The following RPSA2 variants were observed in gnomAD, a reference collection of about 807,000 sequenced individuals.
RPSA2 encodes the protein ribosomal protein SA 2.
chr19:23,833,158 A>G, the RPSA2 span: 1 of 1,197,798 alleles, frequency 8.3e-7, no homozygotes, highest in South Asian at 1.7e-5. Flanking sequence ...AGAATGTGCC[A>G]ATGCCTTTTC....
chr19:23,771,840 C>A, the RPSA2 span, among the ~76,000 whole-genome samples: 13 of 152,030 alleles, frequency 8.6e-5, no homozygotes, highest in Admixed American at 1.3e-4. Context: ...GGTTCTAATA[C>A]CTTGGTGATG....
At chr19:23,848,711 G>C in the RPSA2 span, among the ~76,000 whole-genome samples, 5 of 152,176 alleles carry the variant, frequency 3.3e-5, no homozygotes, top group Non-Finnish European at 5.9e-5. Flanking sequence ...TGATGATCGA[G>C]ACTCATTAGC....
At chr19:23,857,958 C>T in the RPSA2 span, among the ~76,000 whole-genome samples, 13 of 151,896 alleles carry the variant, frequency 8.6e-5, no homozygotes, top group Non-Finnish European at 1.9e-4. Flanking sequence ...ACAATTGCTT[C>T]ATTTTATTTT....
chr19:23,774,271 G>A, the RPSA2 span, among the ~76,000 whole-genome samples: 148,945 of 152,274 alleles, frequency 0.98, 72,938 homozygotes, highest in Middle Eastern at 1. Context: ...TGCTGGGTCC[G>A]ACTCTCTGGT....
the RPSA2 span, among the ~76,000 whole-genome samples, chr19:23,861,526 T>C: frequency 1.3e-5 from 2 of 152,154 alleles, no homozygotes; most frequent in African/African-American, 4.8e-5. Context: ...TGTTAAAAAT[T>C]TCATCCTTGG....
At chr19:23,824,258 G>T in the RPSA2 span, among the ~76,000 whole-genome samples, 2 of 152,214 alleles carry the variant, frequency 1.3e-5, no homozygotes, top group Non-Finnish European at 2.9e-5. Flanking sequence ...CCTTGCAGCT[G>T]CATTGGGAGG....
At chr19:23,805,793 CTAA>C in the RPSA2 span, among the ~76,000 whole-genome samples, 1 of 152,204 alleles carries the variant, frequency 6.6e-6, no homozygotes, top group East Asian at 1.9e-4. Context: ...TTTTTTCTCC[CTAA>C]TGAGTTTTTC....
At chr19:23,796,488 A>G in the RPSA2 span, among the ~76,000 whole-genome samples, 1 of 151,598 alleles carries the variant, frequency 6.6e-6, no homozygotes, top group Non-Finnish European at 1.5e-5. Context: ...AATAAGTTGG[A>G]GAAAAGTTAC....
chr19:23,863,979 CT>C, the RPSA2 span, among the ~76,000 whole-genome samples: 1 of 152,178 alleles, frequency 6.6e-6, no homozygotes, highest in Admixed American at 6.5e-5. Flanking sequence ...TCTGGGGCTG[CT>C]TAAGAAAAGG....
chr19:23,830,821 T>C, the RPSA2 span, among the ~76,000 whole-genome samples: 1 of 152,132 alleles, frequency 6.6e-6, no homozygotes, highest in African/African-American at 2.4e-5. Context: ...TGGGATCATA[T>C]TGCCCTATTT....
the RPSA2 span, chr19:23,832,928 G>A: frequency 2.6e-6 from 4 of 1,520,680 alleles, no homozygotes; most frequent in Non-Finnish European, 3.6e-6. Flanking sequence ...CTGTCTTCAA[G>A]CTTTACTAAA....
At chr19:23,775,213 C>A in the RPSA2 span, among the ~76,000 whole-genome samples, 2 of 152,160 alleles carry the variant, frequency 1.3e-5, no homozygotes, top group African/African-American at 4.8e-5. Flanking sequence ...AAGATTATCA[C>A]CTTCATCCAT....
the RPSA2 span, among the ~76,000 whole-genome samples, chr19:23,806,043 C>CTTT: frequency 5.2e-5 from 3 of 58,192 alleles, no homozygotes; most frequent in African/African-American, 1.5e-4. Context: ...ATCCTTCTTT[C>CTTT]TTTCTTTTTT....
the RPSA2 span, among the ~76,000 whole-genome samples, chr19:23,869,096 C>T: frequency 1.3e-5 from 2 of 152,168 alleles, no homozygotes; most frequent in African/African-American, 4.8e-5. Context: ...GCATAGGTTC[C>T]CAATCCTCCA....
chr19:23,768,949 G>C, the RPSA2 span, among the ~76,000 whole-genome samples: 1 of 152,076 alleles, frequency 6.6e-6, no homozygotes. Context: ...AAGAGATTGT[G>C]ACATATATTT....
At chr19:23,848,112 C>T in the RPSA2 span, among the ~76,000 whole-genome samples, 251 of 152,280 alleles carry the variant, frequency 1.6e-3, 1 homozygote, top group African/African-American at 5.8e-3. Context: ...AGGTGACGTA[C>T]ATCCTCAGCT....
At chr19:23,791,735 C>T in the RPSA2 span, among the ~76,000 whole-genome samples, 3 of 146,416 alleles carry the variant, frequency 2.0e-5, no homozygotes, top group African/African-American at 7.5e-5. Flanking sequence ...TTAATCTTTT[C>T]TTTTTTTTTT....
At chr19:23,773,557 C>T in the RPSA2 span, among the ~76,000 whole-genome samples, 1 of 152,200 alleles carries the variant, frequency 6.6e-6, no homozygotes, top group Admixed American at 6.5e-5. Flanking sequence ...GCTGAGATTA[C>T]AGGCGTGAGC....
the RPSA2 span, among the ~76,000 whole-genome samples, chr19:23,786,622 T>A: frequency 6.6e-6 from 1 of 152,206 alleles, no homozygotes; most frequent in African/African-American, 2.4e-5. Flanking sequence ...TTTTTTTTTC[T>A]GGGACTGCGT....
Sources: allele counts gnomAD v4.1 joint callset (sites outside exome capture counted in the v4.1 genomes callset), GRCh38; gene constraint gnomAD v4.1.1; transcripts MANE v1.5; gene names NCBI Gene and HGNC (gene_info 2026-07-23, HGNC 2026-07-21).